The following ATXN1 variants were observed in gnomAD, a reference collection of about 807,000 sequenced individuals.
The protein encoded by ATXN1 is ataxin 1, also known as ataxin-1.
In ATXN1, 8 loss-of-function variants were observed where a neutral mutation model predicts 56.4. The ratio of observed to expected loss-of-function variants is 0.14; its 90% CI spans 0.08 to 0.26. ATXN1 has a LOEUF of 0.26. ATXN1 is among the 10% of genes least tolerant of loss of function. The probability of loss-of-function intolerance (pLI) is 1.00; values close to 1 mark genes in which losing one functional copy is unlikely to be tolerated. For synonymous variants in ATXN1, 514 were observed against 494.6 expected, an observed-to-expected ratio of 1.04 and a Z score of -0.52; for missense variants, 987 against 1,106.5, an observed-to-expected ratio of 0.89 and a Z score of 1.53.
At position 16,506,869 on chromosome 6, in the gene ATXN1, G is replaced by A. The variant is rs1169216455; in HGVS notation, c.-299+15758C>T. ...ATGATTATTGATAACATCATTCAAC[G>A]CCATGTAATGAGTTGACACCACTGA... On this transcript the variant is annotated intron_variant, in intron 5 of 7. Coordinates refer to ENST00000436367, the MANE Select transcript of ATXN1 (RefSeq NM_001128164.2). The surrounding 1 kb of genome is among the most constrained non-coding windows in gnomAD (Gnocchi z 4.1). Among the ~76,000 whole-genome samples the A allele has an allele frequency of 6.6e-6, 1 of 152,134 alleles. No individual in the cohort carries two copies.
At position 16,427,357 on chromosome 6, in the gene ATXN1, T is replaced by C. The variant is rs1413656416; in HGVS notation, c.-161+58615A>G. Reference sequence around the variant, plus strand: ...TGACAAGCAAAAATGACTTCAGACATTCAGACATTGCCAACTTGCCCACGG... The same window carrying C: ...TGACAAGCAAAAATGACTTCAGACACTCAGACATTGCCAACTTGCCCACGG... On this transcript the variant is annotated intron_variant, in intron 6 of 7. Coordinates refer to ENST00000436367, the MANE Select transcript of ATXN1 (RefSeq NM_001128164.2). Among the ~76,000 whole-genome samples the C allele has an allele frequency of 2.0e-5, 3 of 152,160 alleles. No homozygotes were observed. The East Asian group carries it at 5.8e-4, about 29-fold the overall frequency.
chr6:16,601,814 C>T (rs969064500), intron 3 of ATXN1, among the ~76,000 whole-genome samples: 17 of 152,178 alleles, frequency 1.1e-4, no homozygotes, highest in African/African-American at 3.4e-4. Flanking sequence ...GATTGCACCA[C>T]TGCATTCCAG....
At chr6:16,396,863 C>A (rs1396432171) in intron 6 of ATXN1, among the ~76,000 whole-genome samples, 2 of 152,216 alleles carry the variant, frequency 1.3e-5, no homozygotes, top group Non-Finnish European at 2.9e-5. Context: ...CATTGTGTTA[C>A]AAGTGCCTAC....
intron 7 of ATXN1, among the ~76,000 whole-genome samples, chr6:16,317,022 C>T (rs1171016566): frequency 6.6e-6 from 1 of 152,024 alleles, no homozygotes; most frequent in African/African-American, 2.4e-5. Flanking sequence ...TTGTCAGATG[C>T]TGAGGTCGTC....
intron 5 of ATXN1, among the ~76,000 whole-genome samples, chr6:16,507,796 A>G (rs1158455043): frequency 2.6e-5 from 4 of 152,208 alleles, no homozygotes; most frequent in Non-Finnish European, 5.9e-5. Context: ...TTAATGGAAG[A>G]AAACAAATTT....
intron 2 of ATXN1, among the ~76,000 whole-genome samples, chr6:16,680,525 G>A (rs1308681868): frequency 6.6e-6 from 1 of 152,146 alleles, no homozygotes; most frequent in East Asian, 1.9e-4. Flanking sequence ...CCCTTCAAGG[G>A]AAGAAGGACC....
Position 16,377,017 on chromosome 6 carries a change from C to A in ATXN1, c.-160-48547G>T, listed in dbSNP as rs770603632. Among the ~76,000 whole-genome samples the A allele has an allele frequency of 1.6e-4, 25 of 152,192 alleles. 1 individual carries two copies. The highest frequency in any genetic ancestry group is 6.5e-5 in the Admixed American group (1 of 15,274). On this transcript the variant is annotated intron_variant, in intron 6 of 7. Coordinates refer to ENST00000436367, the MANE Select transcript of ATXN1 (RefSeq NM_001128164.2). ...CATTCATTCACACGAGCACTTCCAT[C>A]AATTTACTTTCAGTATCCCTCATAT...
intron 7 of ATXN1, among the ~76,000 whole-genome samples, chr6:16,318,767 G>A (rs752470967): frequency 7.9e-5 from 12 of 152,330 alleles, no homozygotes; most frequent in African/African-American, 2.2e-4. Context: ...ACATGGTAGC[G>A]TGGCTCACAG....
chr6:16,750,302 A>G (rs1230290798), intron 2 of ATXN1, among the ~76,000 whole-genome samples: 1 of 152,244 alleles, frequency 6.6e-6, no homozygotes, highest in Admixed American at 6.5e-5. Flanking sequence ...AAAAATTCAC[A>G]ATGAATAAAT....
chr6:16,541,270 T>C (rs1761708564), intron 4 of ATXN1, among the ~76,000 whole-genome samples: 1 of 152,140 alleles, frequency 6.6e-6, no homozygotes, highest in Non-Finnish European at 1.5e-5. Context: ...CCTGAAACTT[T>C]GAGAGAGGGT....
intron 6 of ATXN1, among the ~76,000 whole-genome samples, chr6:16,332,092 G>C (rs767435195): frequency 6.6e-6 from 1 of 152,188 alleles, no homozygotes; most frequent in Admixed American, 6.5e-5. Context: ...CAGTTGCAGC[G>C]AGCTGGGGCC....
intron 2 of ATXN1, among the ~76,000 whole-genome samples, chr6:16,704,746 G>A (rs1222906967): frequency 1.3e-5 from 2 of 152,198 alleles, no homozygotes; most frequent in Non-Finnish European, 1.5e-5. Flanking sequence ...GATGCCCAAG[G>A]AGACTGTCTC....
At chr6:16,341,577 G>T (rs542930077) in intron 6 of ATXN1, among the ~76,000 whole-genome samples, 1 of 147,580 alleles carries the variant, frequency 6.8e-6, no homozygotes, top group Non-Finnish European at 1.5e-5. Flanking sequence ...GGAATGCAGT[G>T]GCGTGATCTC....
chr6:16,347,460 A>T (rs910648776), intron 6 of ATXN1, among the ~76,000 whole-genome samples: 10 of 152,084 alleles, frequency 6.6e-5, no homozygotes, highest in Non-Finnish European at 1.5e-4. Flanking sequence ...GTAACTAGCT[A>T]CTCTGGTGGG....
intron 2 of ATXN1, among the ~76,000 whole-genome samples, chr6:16,668,198 TTTTTTG>T (rs1758470784): frequency 6.6e-6 from 1 of 152,192 alleles, no homozygotes; most frequent in African/African-American, 2.4e-5. Context: ...GTTTTCTTAT[TTTTTTG>T]TTTTTATTAC....
At chr6:16,626,317 C>CG (rs1339833123) in intron 3 of ATXN1, among the ~76,000 whole-genome samples, 3 of 152,080 alleles carry the variant, frequency 2.0e-5, no homozygotes, top group Non-Finnish European at 4.4e-5. Flanking sequence ...TCAGGGTCTT[C>CG]CTCTGTTGCC....
intron 6 of ATXN1, among the ~76,000 whole-genome samples, chr6:16,412,003 A>AT (rs1454347912): frequency 6.6e-6 from 1 of 152,228 alleles, no homozygotes; most frequent in African/African-American, 2.4e-5. Context: ...CACCCAATAA[A>AT]TATTAGTTGA....
chr6:16,674,826 TGTACTGGA>T (rs1758626124), intron 2 of ATXN1, among the ~76,000 whole-genome samples: 1 of 152,180 alleles, frequency 6.6e-6, no homozygotes, highest in East Asian at 1.9e-4. Context: ...AAATGGCCAC[TGTACTGGA>T]GTAAGAAATC....
At chr6:16,564,493 G>A (rs746580087) in intron 4 of ATXN1, among the ~76,000 whole-genome samples, 1 of 152,118 alleles carries the variant, frequency 6.6e-6, no homozygotes, top group Non-Finnish European at 1.5e-5. Flanking sequence ...ACAAAATAAG[G>A]TATAGCCATA....
Sources: allele counts gnomAD v4.1 joint callset (sites outside exome capture counted in the v4.1 genomes callset), GRCh38; gene constraint gnomAD v4.1.1; non-coding constraint Gnocchi (gnomAD v3.1); transcripts MANE v1.5; gene names NCBI Gene and HGNC (gene_info 2026-07-23, HGNC 2026-07-21).